The following UNC80 variants were observed in gnomAD, a reference collection of about 807,000 sequenced individuals.
The protein encoded by UNC80 is unc-80 subunit of NALCN channel complex.
A neutral mutation model predicts 384.6 loss-of-function variants in UNC80; 164 were observed. That is an observed-to-expected ratio of 0.43 (90% confidence interval 0.38 to 0.49). The LOEUF is 0.49. Among genes scored for constraint, UNC80 ranks in the 20% least tolerant of loss-of-function variants. UNC80 has a pLI of 0.00. For synonymous variants in UNC80, 1,486 were observed against 1,527.8 expected (o/e 0.97, Z 0.64); for missense variants, 3,330 against 4,143.0 (o/e 0.80, Z 5.39).
At position 209,917,946 on chromosome 2, in the gene UNC80, G is replaced by A; in HGVS notation, c.5199G>A (p.Gln1733=). ...QVWPRMEEGA[Q]QIFKIPPPSI... is the part of the protein sequence containing the mutation. ...GGCCCCGGATGGAGGAAGGGGCACA[G>A]CAGATTTTTAAGGTGAGGGATACTT... is the stretch of plus-strand genomic sequence containing the variant. The change falls in exon 32 of 65, where the codon CAG becomes CAA. Residue 1733 remains glutamine (Q), a synonymous_variant. Transcript: ENST00000673920. The A allele has an allele frequency of 1.9e-6, 3 of 1,551,658 alleles. No homozygotes were observed. Among genetic ancestry groups the A allele is most frequent in the Non-Finnish European group, 2.6e-6 (3 of 1,146,940 alleles).
At chr2:209,849,010 C>A (rs1013623373) in intron 21 of UNC80, among the ~76,000 whole-genome samples, 1 of 152,102 alleles carries the variant, frequency 6.6e-6, no homozygotes, top group Non-Finnish European at 1.5e-5. Flanking sequence ...CCAATTTGTA[C>A]AGCATGCTGT....
Position 209,995,770 on chromosome 2 carries a change from T to A in UNC80, c.*175T>A. 3 of 718,716 alleles carry A rather than the reference T, an allele frequency of 4.2e-6. No individual in the cohort carries two copies. The highest frequency in any genetic ancestry group is 1.8e-5 in the African/African-American group (1 of 56,084). 44.5% of individuals were successfully genotyped at this position (718,716 alleles called of 1,614,324 possible). On this transcript the variant is annotated 3_prime_UTR_variant, in exon 65 of 65. Coordinates refer to ENST00000673920, the MANE Select transcript of UNC80 (RefSeq NM_001371986.1). ...ATACACATGATGTTTCATAAACATC[T>A]TAAAAGTCAATGGCTAAAAGGATTT...
At chr2:209,817,272 A>G (rs759511418) in intron 10 of UNC80, 147 bp downstream of exon 10, 57 of 679,594 alleles carry the variant, frequency 8.4e-5, no homozygotes, top group Non-Finnish European at 1.4e-4. Flanking sequence ...TACCAAAATA[A>G]TGCTGTGTTT....
intron 28 of UNC80, among the ~76,000 whole-genome samples, chr2:209,897,658 A>G (rs941731156): frequency 2.0e-5 from 3 of 152,308 alleles, no homozygotes; most frequent in South Asian, 2.1e-4. Context: ...GAATCTTCCA[A>G]TGTTTAAAAT....
intron 22 of UNC80, among the ~76,000 whole-genome samples, chr2:209,871,062 A>G (rs1295183340): frequency 6.6e-6 from 1 of 152,156 alleles, no homozygotes. Flanking sequence ...GGATATCTTT[A>G]TTTGTTTTAT....
chr2:209,984,241 TA>T (rs372266543), intron 60 of UNC80, among the ~76,000 whole-genome samples: 5 of 152,234 alleles, frequency 3.3e-5, no homozygotes, highest in African/African-American at 1.2e-4. Context: ...GGATGGAGAG[TA>T]AGGAGGTAAA....
chr2:209,991,590 T>G (rs2093392250), intron 61 of UNC80, among the ~76,000 whole-genome samples: 1 of 152,222 alleles, frequency 6.6e-6, no homozygotes, highest in Non-Finnish European at 1.5e-5. Context: ...GCCAGCCTTT[T>G]AAATCTAAAA....
chr2:209,930,925 A>C (rs1404724880), intron 37 of UNC80, 43 bp from the exon 38 acceptor site: 1 of 1,359,452 alleles, frequency 7.4e-7, no homozygotes, highest in South Asian at 1.3e-5. Flanking sequence ...TTTCTACAGC[A>C]TGGCAGCTGA....
At chr2:209,865,460 G>A (rs13398411) in intron 22 of UNC80, among the ~76,000 whole-genome samples, 24,376 of 151,820 alleles carry the variant, frequency 0.16, 2,542 homozygotes, top group African/African-American at 0.29. Flanking sequence ...AAATTAGCCA[G>A]GCGTTGTGGC....
chr2:209,817,527 CTAAA>C (rs2079828778), intron 10 of UNC80, among the ~76,000 whole-genome samples: 1 of 151,578 alleles, frequency 6.6e-6, no homozygotes, highest in Admixed American at 6.6e-5. Context: ...GGATTGCATA[CTAAA>C]TAGGCCAATT....
rs990327087 is a variant in UNC80 at position 209,918,674 on chromosome 2, G to A, written c.5343+11G>A. On this transcript the variant is annotated intron_variant, in intron 33 of 64. Coordinates refer to ENST00000673920, the MANE Select transcript of UNC80 (RefSeq NM_001371986.1). ...AATGAAGACCAGTCTGTGAGTAACA[G>A]ACACTTCCAGGTTCCATGGTGTACG... is the stretch of plus-strand genomic sequence containing the variant. 6.5e-7 allele frequency: 1 copy of A among 1,541,000 alleles called. No individual in the cohort carries two copies. The highest frequency in any genetic ancestry group is 1.7e-4 in the Middle Eastern group (1 of 5,964).
intron 22 of UNC80, among the ~76,000 whole-genome samples, chr2:209,857,191 C>G (rs990134528): frequency 6.6e-6 from 1 of 152,112 alleles, no homozygotes; most frequent in Non-Finnish European, 1.5e-5. Flanking sequence ...GCTCTTCGTT[C>G]TTCCACATGA....
At chr2:209,829,626 A>G (rs1043133464) in intron 15 of UNC80, among the ~76,000 whole-genome samples, 1 of 152,136 alleles carries the variant, frequency 6.6e-6, no homozygotes, top group Non-Finnish European at 1.5e-5. Flanking sequence ...AAGCTTGTGG[A>G]GTTCTCACCT....
At chr2:209,941,536 C>T (rs1451142904) in intron 44 of UNC80, 47 bp downstream of exon 44, 2 of 1,464,794 alleles carry the variant, frequency 1.4e-6, no homozygotes, top group East Asian at 2.5e-5. Context: ...ATGAGTACTG[C>T]TCATATCTAG....
At chr2:209,977,475 C>G (rs1268476264) in intron 58 of UNC80, among the ~76,000 whole-genome samples, 1 of 151,998 alleles carries the variant, frequency 6.6e-6, no homozygotes, top group African/African-American at 2.4e-5. Context: ...AGATTATTTC[C>G]TTTAATCTAT....
At chr2:209,883,794 G>A (rs927207868) in intron 25 of UNC80, among the ~76,000 whole-genome samples, 1 of 152,128 alleles carries the variant, frequency 6.6e-6, no homozygotes, top group African/African-American at 2.4e-5. Context: ...GTGGAATCAT[G>A]CAGTATTTGT....
intron 17 of UNC80, among the ~76,000 whole-genome samples, chr2:209,834,410 G>T (rs2081203996): frequency 6.6e-6 from 1 of 152,122 alleles, no homozygotes; most frequent in African/African-American, 2.4e-5. Flanking sequence ...TCTTGTACTT[G>T]AACTACACGT....
intron 22 of UNC80, among the ~76,000 whole-genome samples, chr2:209,867,161 C>G (rs2083899735): frequency 6.6e-6 from 1 of 152,188 alleles, no homozygotes. Flanking sequence ...AGTGGACCAG[C>G]AACATCAGCA....
chr2:209,789,010 G>A (rs2077630141), intron 5 of UNC80, among the ~76,000 whole-genome samples: 1 of 152,074 alleles, frequency 6.6e-6, no homozygotes, highest in African/African-American at 2.4e-5. Flanking sequence ...TGTTATAAAT[G>A]CCTACAGGAT....
Sources: allele counts gnomAD v4.1 joint callset (sites outside exome capture counted in the v4.1 genomes callset), GRCh38; gene constraint gnomAD v4.1.1; transcripts MANE v1.5; gene names NCBI Gene and HGNC (gene_info 2026-07-23, HGNC 2026-07-21).